Variants in MYBPC2 observed in about 807,000 individuals in gnomAD.
MYBPC2 encodes the protein myosin-binding protein C, fast-type.
Under a neutral mutation model 137.0 loss-of-function variants are expected in MYBPC2, and 122 were observed. The observed-to-expected ratio is 0.89, with a 90% CI of 0.77 to 1.03. MYBPC2 has a LOEUF of 1.03. Ranked by LOEUF, MYBPC2 falls within the 50% of genes least tolerant of loss-of-function variation. The probability of loss-of-function intolerance (pLI) is 0.00; values close to 1 mark genes in which losing one functional copy is unlikely to be tolerated. For missense variants in MYBPC2, 1,500 were observed against 1,534.4 expected (o/e 0.98, Z 0.37); for synonymous variants, 626 against 612.3 (o/e 1.02, Z -0.33).
intron 21 of MYBPC2, 26 bp from the exon 22 acceptor site, chr19:50,458,892 C>A: frequency 1.9e-6 from 3 of 1,600,980 alleles, no homozygotes; most frequent in Non-Finnish European, 2.6e-6. Context: ...CCCCGCTGAG[C>A]CCCCTCCCTG....
At chr19:50,461,343 A>G (rs2039969703) in intron 24 of MYBPC2, among the ~76,000 whole-genome samples, 199 bp from the exon 25 acceptor site, 1 of 151,848 alleles carries the variant, frequency 6.6e-6, no homozygotes, top group Non-Finnish European at 1.5e-5. Context: ...GTCTGGGCCG[A>G]CTGTTTTGTT....
At chr19:50,444,878 T>TCAAAAAA (rs1386981206) in intron 11 of MYBPC2, among the ~76,000 whole-genome samples, 1 of 56,288 alleles carries the variant, frequency 1.8e-5, no homozygotes, top group Non-Finnish European at 2.9e-5. Context: ...AGACTCCGTC[T>TCAAAAAA]CAAAAAAAAA....
In MYBPC2 at chr19:50,448,247, G is replaced by A; in HGVS notation, c.1329G>A (p.Gln443=). ...IVEEKQLEVL[Q]DIADLTVKAS... is the part of the protein sequence containing the mutation. The stretch of plus-strand genomic sequence containing the variant: ...CAGAGAAACAGCTGGAGGTCCTGCA[G>A]GACATCGCGGATCTGACGGTGAAGG... Residue 443 remains glutamine, a synonymous_variant, in exon 13 of 28, where the codon CAG becomes CAA. Transcript: ENST00000357701. 2.5e-6 allele frequency: 4 copies of A among 1,613,692 alleles called. No homozygotes were observed. The highest frequency in any genetic ancestry group is 1.6e-4 in the Middle Eastern group (1 of 6,062).
In MYBPC2 at chr19:50,435,725, C is replaced by T. The variant is rs1053330160; in HGVS notation, c.110-51C>T. On this transcript the variant is annotated intron_variant, in intron 2 of 27. Coordinates refer to ENST00000357701, the MANE Select transcript of MYBPC2 (RefSeq NM_004533.4). The surrounding 1 kb of genome is among the most constrained non-coding windows in gnomAD (Gnocchi z 4.8). ...CTTTCCCCAAAGCGGCCCACTGTCC[C>T]CTCCCCAGCCTATCTCAGACCTCCT... 6 of 1,493,278 alleles carry T rather than the reference C, an allele frequency of 4.0e-6. No individual in the cohort carries two copies. Among genetic ancestry groups the T allele is most frequent in the African/African-American group, 1.4e-5 (1 of 71,756 alleles). The allele number at this position is 1,493,278 out of a possible 1,614,324, so 92.5% of individuals were successfully genotyped here. A position where few individuals can be genotyped will look rare whatever the true frequency, so the allele number is the denominator to read the frequency against.
chr19:50,448,252 T>G lies in MYBPC2; in HGVS notation c.1334T>G (p.Ile445Ser). ...AAACAGCTGGAGGTCCTGCAGGACA[T>G]CGCGGATCTGACGGTGAAGGCCTCA... ...EEKQLEVLQD[I>S]ADLTVKASEQ... Residue 445 changes from isoleucine (I) to serine (S), a missense_variant, in exon 13 of 28, where the codon ATC (isoleucine) becomes AGC (serine). Physicochemically the swap from Ile to Ser is moderately radical, Grantham distance 142. Transcript: ENST00000357701. 1 of 1,613,734 alleles carries G rather than the reference T, an allele frequency of 6.2e-7. No homozygotes were observed. Among genetic ancestry groups the G allele is most frequent in the Non-Finnish European group, 8.5e-7 (1 of 1,179,716 alleles).
rs2039914346 is a variant in MYBPC2, at chr19:50,456,390, AT to A, written c.2338+747del. 3.5e-5 allele frequency among the ~76,000 whole-genome samples: 5 copies of A among 144,834 alleles called. 1 individual carries two copies. Among genetic ancestry groups the A allele is most frequent in the Admixed American group, 2.8e-4 (4 of 14,438 alleles). ...TGTCCATCCATCTATCCATCCATCCATCCATCCATCCATCTGTCCATATTTC... is the reference window on the plus strand; with the variant it reads ...TGTCCATCCATCTATCCATCCATCCACCATCCATCCATCTGTCCATATTTC... On this transcript the variant is annotated intron_variant, in intron 20 of 27. Transcript: ENST00000357701.
intron 16 of MYBPC2, among the ~76,000 whole-genome samples, chr19:50,452,446 G>A (rs73054446): frequency 1.0e-3 from 129 of 124,570 alleles, no homozygotes; most frequent in African/African-American, 3.2e-3. Flanking sequence ...CTATCTATCT[G>A]TCTATCTATC....
intron 24 of MYBPC2, 68 bp from the exon 25 acceptor site, chr19:50,461,472 CTG>C (rs1168770453): frequency 1.4e-5 from 21 of 1,479,496 alleles, no homozygotes; most frequent in Non-Finnish European, 1.8e-5. Context: ...CTTCTTTCGT[CTG>C]TGTCTTGTGT....
chr19:50,452,084 C>T, intron 16 of MYBPC2, 81 bp downstream of exon 16: 40 of 1,412,472 alleles, frequency 2.8e-5, no homozygotes, highest in Non-Finnish European at 3.8e-5. Context: ...GTTTCATCCT[C>T]TATAAAATGA....
Position 50,445,945 on chromosome 19 carries a change from A to C in MYBPC2, c.1199A>C (p.Asp400Ala). 6.2e-7 allele frequency: 1 copy of C among 1,612,220 alleles called. No individual in the cohort carries two copies. Reference sequence around the variant, plus strand: ...AAGGCCCGGTACCGCTTCAAGAAGGACGGGAAGCGCCACATCCTCATCTTC... The same window carrying C: ...AAGGCCCGGTACCGCTTCAAGAAGGCCGGGAAGCGCCACATCCTCATCTTC... ...SFKARYRFKK[D>A]GKRHILIFSD... Residue 400 changes from aspartate (D) to alanine (A), a missense_variant, in exon 12 of 28, where the codon GAC (aspartate) becomes GCC (alanine). Transcript: ENST00000357701.
intron 8 of MYBPC2, among the ~76,000 whole-genome samples, chr19:50,441,701 A>G (rs1380367479): frequency 6.6e-6 from 1 of 152,018 alleles, no homozygotes; most frequent in Non-Finnish European, 1.5e-5. Context: ...TCAGCCGGGC[A>G]TGGTGGTGTG....
intron 9 of MYBPC2, among the ~76,000 whole-genome samples, chr19:50,443,115 G>C (rs533344431): frequency 6.6e-6 from 1 of 152,038 alleles, no homozygotes; most frequent in South Asian, 2.1e-4. Flanking sequence ...AACATAGCGA[G>C]ATCCCATCTC....
At chr19:50,445,513 C>A (rs1249654448) in intron 11 of MYBPC2, among the ~76,000 whole-genome samples, 1 of 151,952 alleles carries the variant, frequency 6.6e-6, no homozygotes, top group Non-Finnish European at 1.5e-5. Flanking sequence ...CTGCCTTAGC[C>A]TCCTGAATAG....
chr19:50,451,743 G>A (rs1379224953), intron 15 of MYBPC2, 121 bp from the exon 16 acceptor site: 2 of 1,419,472 alleles, frequency 1.4e-6, no homozygotes, highest in African/African-American at 1.4e-5. Context: ...GAGGGCTTCA[G>A]GACATGGATC....
intron 4 of MYBPC2, 91 bp from the exon 5 acceptor site, chr19:50,436,526 C>T (rs546153556): frequency 2.1e-5 from 24 of 1,169,102 alleles, no homozygotes; most frequent in African/African-American, 9.0e-5. Flanking sequence ...GGGGTGAGGA[C>T]GTGGAGATAG....
rs774009246 is a variant in MYBPC2 at position 50,458,685 on chromosome 19, G to A, written c.2437G>A (p.Gly813Arg). The change falls in exon 21 of 28, where the codon GGG (glycine) becomes AGG (arginine). Residue 813 changes from glycine to arginine, a missense_variant. Physicochemically the swap from Gly to Arg is moderately radical, Grantham distance 125 (BLOSUM62 -2). Transcript: ENST00000357701. ...TGARILFRVV[G>R]VNIAGRSEPA... is the part of the protein sequence containing the mutation. ...AGCCAGAATCCTCTTCCGAGTAGTTGGGGTCAACATCGCGGGGCGCAGCGA... is the reference window on the plus strand; with the variant it reads ...AGCCAGAATCCTCTTCCGAGTAGTTAGGGTCAACATCGCGGGGCGCAGCGA... 5 of 1,611,938 alleles carry A rather than the reference G, an allele frequency of 3.1e-6. No homozygotes were observed. Among genetic ancestry groups the A allele is most frequent in the East Asian group, 2.2e-5 (1 of 44,884 alleles).
In MYBPC2 at chr19:50,436,033, C is replaced by T; in HGVS notation, c.218C>T (p.Ala73Val). ...VETGKDAVVV[A>V]KVNGKELPDK... is the part of the protein sequence containing the mutation. Reference sequence around the variant, plus strand: ...GTAGGGAAGGACGCAGTGGTCGTGGCCAAGGTGAACGGGAAGGAGCTCCCA... The same window carrying T: ...GTAGGGAAGGACGCAGTGGTCGTGGTCAAGGTGAACGGGAAGGAGCTCCCA... Residue 73 changes from alanine (A) to valine (V), a missense_variant, in exon 4 of 28, where the codon GCC (alanine) becomes GTC (valine). Coordinates refer to ENST00000357701, the MANE Select transcript of MYBPC2 (RefSeq NM_004533.4). 1 of 1,582,940 alleles carries T rather than the reference C, an allele frequency of 6.3e-7. No homozygotes were observed. The highest frequency in any genetic ancestry group is 1.2e-5 in the South Asian group (1 of 86,418).
At chr19:50,452,536 C>CTATCTATCTATG (rs1167975960) in intron 16 of MYBPC2, among the ~76,000 whole-genome samples, 7 of 148,110 alleles carry the variant, frequency 4.7e-5, no homozygotes, top group Non-Finnish European at 8.9e-5. Flanking sequence ...ATCTATCTAT[C>CTATCTATCTATG]TATGTATCTA....
intron 1 of MYBPC2, 139 bp downstream of exon 1, chr19:50,433,111 T>G (rs969425517): frequency 2.7e-6 from 3 of 1,102,142 alleles, no homozygotes; most frequent in Non-Finnish European, 3.7e-6. Context: ...CTGTGCGGGA[T>G]GGGGGTTCCC....
Sources: gnomAD v4.1 joint callset for allele counts (sites outside exome capture counted in the v4.1 genomes callset) on GRCh38, gnomAD v4.1.1 for gene constraint, Gnocchi (gnomAD v3.1) non-coding constraint, MANE v1.5 for transcripts, NCBI Gene and HGNC (gene_info 2026-07-23, HGNC 2026-07-21) for gene names.